The following DPP10 variants were observed in gnomAD, a reference collection of about 807,000 sequenced individuals.
DPP10 encodes dipeptidyl peptidase like 10.
In DPP10, 33 loss-of-function variants were observed where a neutral mutation model predicts 120.9. The observed-to-expected ratio is 0.27, with a 90% CI of 0.21 to 0.37. DPP10 has a LOEUF of 0.37. Among genes scored for constraint, DPP10 ranks in the 10% least tolerant of loss-of-function variants. DPP10 has a pLI of 1.00. For synonymous variants in DPP10, 337 were observed against 326.1 expected, an observed-to-expected ratio of 1.03 and a Z score of -0.36; for missense variants, 816 against 942.8, an observed-to-expected ratio of 0.87 and a Z score of 1.76.
chr2:115,586,690 GT>G (rs201424878), intron 5 of DPP10, among the ~76,000 whole-genome samples: 1 of 151,108 alleles, frequency 6.6e-6, no homozygotes, highest in Non-Finnish European at 1.5e-5. Flanking sequence ...TTTTGTTTTT[GT>G]TTTTTTTCCA....
chr2:114,508,659 G>A (rs1326498893), intron 1 of DPP10, among the ~76,000 whole-genome samples: 1 of 152,074 alleles, frequency 6.6e-6, no homozygotes, highest in Non-Finnish European at 1.5e-5. Flanking sequence ...CATCTAAGTT[G>A]TGTCTTCTCC....
chr2:115,664,983 T>C (rs115933433), intron 5 of DPP10, among the ~76,000 whole-genome samples: 2,160 of 152,282 alleles, frequency 0.014, 46 homozygotes, highest in African/African-American at 0.047. Flanking sequence ...GGCTACGATA[T>C]AGGGCAGCAC....
chr2:114,617,361 T>G, intron 1 of DPP10, among the ~76,000 whole-genome samples: 1 of 152,132 alleles, frequency 6.6e-6, no homozygotes, highest in South Asian at 2.1e-4. Context: ...TATTTAGAGT[T>G]TATAGCTTAT....
intron 4 of DPP10, among the ~76,000 whole-genome samples, chr2:115,515,480 G>T (rs946244104): frequency 6.6e-6 from 1 of 152,008 alleles, no homozygotes; most frequent in Non-Finnish European, 1.5e-5. Flanking sequence ...TTTTATATGT[G>T]CATTGGCCAT....
At chr2:115,782,672 T>C (rs1682909162) in intron 17 of DPP10, among the ~76,000 whole-genome samples, 1 of 152,064 alleles carries the variant, frequency 6.6e-6, no homozygotes, top group Non-Finnish European at 1.5e-5. Context: ...ATGAAACAGG[T>C]ACATTTTAGC....
chr2:115,498,937 T>C (rs1395119727), intron 3 of DPP10, among the ~76,000 whole-genome samples: 2 of 152,006 alleles, frequency 1.3e-5, no homozygotes, highest in African/African-American at 2.4e-5. Flanking sequence ...ATTGATATAG[T>C]AGTAGCCTCA....
At chr2:115,010,384 A>G (rs989036) in intron 1 of DPP10, among the ~76,000 whole-genome samples, 80,732 of 151,952 alleles carry the variant, frequency 0.53, 22,265 homozygotes, top group East Asian at 0.64. Context: ...AAAATTTGAG[A>G]ATATATGGAT....
At chr2:115,425,105 A>G (rs2070334319) in intron 3 of DPP10, among the ~76,000 whole-genome samples, 1 of 152,182 alleles carries the variant, frequency 6.6e-6, no homozygotes, top group South Asian at 2.1e-4. Flanking sequence ...GGCAGAGATG[A>G]ATGAGGGGCT....
intron 1 of DPP10, among the ~76,000 whole-genome samples, chr2:115,149,237 C>T (rs145271913): frequency 1.1e-3 from 163 of 152,282 alleles, no homozygotes; most frequent in Middle Eastern, 6.8e-3. Flanking sequence ...TGATGCTCAA[C>T]GGCAGTTGGT....
intron 1 of DPP10, among the ~76,000 whole-genome samples, chr2:115,251,233 T>A (rs2058737633): frequency 1.3e-5 from 2 of 152,228 alleles, no homozygotes; most frequent in Non-Finnish European, 2.9e-5. Context: ...CACAGCTTTC[T>A]TTCAGAAAAG....
chr2:115,510,361 A>G lies in DPP10; in HGVS notation c.366+10757A>G, dbSNP rs1319623042. 1.3e-5 allele frequency among the ~76,000 whole-genome samples: 2 copies of G among 152,168 alleles called. 1 individual carries two copies. Among genetic ancestry groups the G allele is most frequent in the South Asian group, 4.1e-4 (2 of 4,838 alleles). Reference sequence around the variant, plus strand: ...GATGTGAGGAAAGAGGTCCACATTTATTCTTTTGCATGTGGAAATACAATT... The same window carrying G: ...GATGTGAGGAAAGAGGTCCACATTTGTTCTTTTGCATGTGGAAATACAATT... On this transcript the variant is annotated intron_variant, in intron 4 of 25. Transcript: ENST00000410059.
At chr2:114,743,894 T>C (rs1302684510) in intron 1 of DPP10, among the ~76,000 whole-genome samples, 1 of 152,078 alleles carries the variant, frequency 6.6e-6, no homozygotes, top group Non-Finnish European at 1.5e-5. Flanking sequence ...CAAAAATAAA[T>C]TGGGTTTTGG....
chr2:115,059,352 CTTTTTTT>C (rs70941024), intron 1 of DPP10, among the ~76,000 whole-genome samples: 4 of 135,776 alleles, frequency 2.9e-5, no homozygotes, highest in Admixed American at 1.5e-4. Flanking sequence ...GTAGGTATTT[CTTTTTTT>C]TTTTTTTTTG....
intron 19 of DPP10, among the ~76,000 whole-genome samples, chr2:115,801,064 T>A (rs1444779351): frequency 6.6e-6 from 1 of 152,168 alleles, no homozygotes; most frequent in Non-Finnish European, 1.5e-5. Context: ...TTCCTACCCA[T>A]GAGCATGGAA....
chr2:115,424,659 T>A (rs1351655907), intron 3 of DPP10, among the ~76,000 whole-genome samples: 2 of 152,062 alleles, frequency 1.3e-5, no homozygotes, highest in African/African-American at 4.8e-5. Context: ...TAGATAAGGA[T>A]AAATATAAAT....
chr2:115,109,628 G>T (rs541490044), intron 1 of DPP10, among the ~76,000 whole-genome samples: 1 of 152,276 alleles, frequency 6.6e-6, no homozygotes, highest in East Asian at 1.9e-4. Flanking sequence ...TTAAAGAATT[G>T]TAAGTTCTAT....
At position 114,820,242 on chromosome 2, in the gene DPP10, T is replaced by A. The variant is rs1393962180; in HGVS notation, c.60+377404T>A. Among the ~76,000 whole-genome samples, 3 of 152,172 alleles carry A rather than the reference T, an allele frequency of 2.0e-5. No individual in the cohort carries two copies. The East Asian group carries it at 5.8e-4, about 29-fold the overall frequency. On this transcript the variant is annotated intron_variant, in intron 1 of 25. Coordinates refer to ENST00000410059, the MANE Select transcript of DPP10 (RefSeq NM_020868.6). ...TCATGAGATAATATTATTATCACCATTTTACAGATGAAGAAATTGGGACCC... is the reference window on the plus strand; with the variant it reads ...TCATGAGATAATATTATTATCACCAATTTACAGATGAAGAAATTGGGACCC...
chr2:114,559,020 C>T (rs1472608564), intron 1 of DPP10, among the ~76,000 whole-genome samples: 1 of 152,124 alleles, frequency 6.6e-6, no homozygotes, highest in Non-Finnish European at 1.5e-5. Context: ...ATCTCCATGT[C>T]GACATACGTG....
At chr2:115,532,095 C>G (rs1226375512) in intron 5 of DPP10, among the ~76,000 whole-genome samples, 1 of 152,046 alleles carries the variant, frequency 6.6e-6, no homozygotes, top group Non-Finnish European at 1.5e-5. Context: ...TCTGATCACT[C>G]TCTATTTCCC....
Sources: gnomAD v4.1 joint callset for allele counts (sites outside exome capture counted in the v4.1 genomes callset) on GRCh38, gnomAD v4.1.1 for gene constraint, MANE v1.5 for transcripts, NCBI Gene and HGNC (gene_info 2026-07-23, HGNC 2026-07-21) for gene names.